MUC13: variants seen among roughly 807,000 people sequenced by gnomAD.
MUC13 encodes the protein mucin 13, cell surface associated.
MUC13 carries 32 observed loss-of-function variants against 48.3 expected under a neutral mutation model. The observed-to-expected ratio is 0.66, with a 90% CI of 0.50 to 0.89. The LOEUF (loss-of-function observed/expected upper bound fraction) is 0.89. MUC13 is among the 40% of genes least tolerant of loss of function. The probability of loss-of-function intolerance (pLI) is 0.00; values close to 1 mark genes in which losing one functional copy is unlikely to be tolerated. For synonymous variants in MUC13, 199 were observed against 224.9 expected (o/e 0.88, Z 1.03); for missense variants, 571 against 622.8 (o/e 0.92, Z 0.88).
intron 5 of MUC13, among the ~76,000 whole-genome samples, chr3:124,919,111 G>C (rs994308319): frequency 2.0e-5 from 3 of 152,112 alleles, no homozygotes; most frequent in African/African-American, 7.2e-5. Context: ...GCCGAGGCGG[G>C]TGGATCACGA....
At chr3:124,915,369 G>A (rs773550433) in intron 6 of MUC13, among the ~76,000 whole-genome samples, 18 of 152,216 alleles carry the variant, frequency 1.2e-4, no homozygotes, top group Non-Finnish European at 1.5e-4. Context: ...GCAGAGACTT[G>A]AGAAATATTT....
intron 5 of MUC13, among the ~76,000 whole-genome samples, chr3:124,918,939 C>T (rs1368703475): frequency 6.6e-6 from 1 of 152,138 alleles, no homozygotes; most frequent in Admixed American, 6.5e-5. Context: ...CCAGACTTGC[C>T]CTTCATTCAA....
chr3:124,934,537 G>A lies in MUC13; in HGVS notation c.52+124C>T, dbSNP rs929986127. 8.7e-6 allele frequency: 6 copies of A among 688,628 alleles called. No homozygotes were observed. In the African/African-American group the frequency reaches 8.8e-5, roughly 10 times the overall value. 42.7% of individuals were successfully genotyped at this position (688,628 alleles called of 1,614,324 possible). ...TGTGTCTTTGAGCTGAGCTGGAGAG[G>A]AAACTTCATTTATAAAATAGACCAT... On this transcript the variant is annotated intron_variant, in intron 1 of 11. Coordinates refer to ENST00000616727, the MANE Select transcript of MUC13 (RefSeq NM_033049.4).
At position 124,922,247 on chromosome 3, in the gene MUC13, C is replaced by A; in HGVS notation, c.694G>T (p.Glu232Ter). 6.2e-7 allele frequency: 1 copy of A among 1,614,152 alleles called. No homozygotes were observed. The change falls in exon 4 of 12, where the codon GAG (glutamate) becomes TAG (stop). Residue 232 changes from glutamate to a stop codon, truncating the protein, a stop_gained. Coordinates refer to ENST00000616727, the MANE Select transcript of MUC13 (RefSeq NM_033049.4). LOFTEE classifies it high-confidence loss of function. Reference protein sequence around the residue: ...VTVSETFDPEEKHSMAYQDLH... With the variant: ...VTVSETFDPE ...TCTTGATAGGCCATGGAATGTTTCTCTTCTGGGTCAAATGTTTCTGATACT... is the reference window on the plus strand; with the variant it reads ...TCTTGATAGGCCATGGAATGTTTCTATTCTGGGTCAAATGTTTCTGATACT...
chr3:124,910,365 C>G lies in MUC13; in HGVS notation c.1337+50G>C, dbSNP rs781365164. On this transcript the variant is annotated intron_variant, in intron 10 of 11. Transcript: ENST00000616727. ...CATGGGCAACATAGTGAGACCCCCC[C>G]ATCTCTCTATAAAAAAAAAAAATTT... 3 of 1,588,868 alleles carry G rather than the reference C, an allele frequency of 1.9e-6. No individual in the cohort carries two copies. The South Asian group carries it at 3.5e-5, about 18-fold the overall frequency.
At chr3:124,923,953 T>A (rs1560000169) in intron 2 of MUC13, among the ~76,000 whole-genome samples, 1 of 152,196 alleles carries the variant, frequency 6.6e-6, no homozygotes, top group Admixed American at 6.5e-5. Flanking sequence ...GAGTCAGGAA[T>A]CTTCAGATCT....
chr3:124,925,347 G>T (rs1475293288), intron 2 of MUC13, among the ~76,000 whole-genome samples: 1 of 152,136 alleles, frequency 6.6e-6, no homozygotes, highest in Non-Finnish European at 1.5e-5. Flanking sequence ...GATATTTAGG[G>T]TTGTGATCCT....
At chr3:124,913,347 AATG>A (rs1935457834) in intron 7 of MUC13, 107 bp from the exon 8 acceptor site, 18 of 1,504,804 alleles carry the variant, frequency 1.2e-5, no homozygotes, top group Non-Finnish European at 1.5e-5. Context: ...TTCTAGGTAA[AATG>A]AGATGCTTAT....
chr3:124,924,945 T>A (rs1239446745), intron 2 of MUC13, among the ~76,000 whole-genome samples: 1 of 152,178 alleles, frequency 6.6e-6, no homozygotes, highest in Non-Finnish European at 1.5e-5. Context: ...ATAAACATAC[T>A]CTTACGAGAA....
chr3:124,931,198 TGA>T, intron 1 of MUC13, among the ~76,000 whole-genome samples: 1 of 144,626 alleles, frequency 6.9e-6, no homozygotes, highest in Non-Finnish European at 1.5e-5. Flanking sequence ...TTCGGGAGGC[TGA>T]GGTGGGTGGA....
At chr3:124,907,103 G>A (rs1424711431) in intron 11 of MUC13, among the ~76,000 whole-genome samples, 2 of 152,208 alleles carry the variant, frequency 1.3e-5, no homozygotes, top group Non-Finnish European at 2.9e-5. Context: ...GTCCTTGAAA[G>A]TTCTCCCTAG....
chr3:124,911,440 C>T (rs1163688866), intron 9 of MUC13, among the ~76,000 whole-genome samples: 1 of 152,162 alleles, frequency 6.6e-6, no homozygotes, highest in Non-Finnish European at 1.5e-5. Context: ...GCAAATTATT[C>T]CTTGCAATAA....
chr3:124,908,260 T>G lies in MUC13; in HGVS notation c.1426A>C (p.Asn476His). ...AAGACGCTCCCTTCTGCTCCAAGATTGGTGAAGCCTGTCGACCGCAGTTTT... is the reference window on the plus strand; with the variant it reads ...AAGACGCTCCCTTCTGCTCCAAGATGGGTGAAGCCTGTCGACCGCAGTTTT... ...NLKLRSTGFT[N>H]LGAEGSVFPK... The change falls in exon 11 of 12, where the codon AAT (asparagine) becomes CAT (histidine). Residue 476 changes from asparagine (N) to histidine (H), a missense_variant. Physicochemically the swap from Asn to His is moderately conservative, Grantham distance 68. Coordinates refer to ENST00000616727, the MANE Select transcript of MUC13 (RefSeq NM_033049.4). 6.2e-7 allele frequency: 1 copy of G among 1,614,184 alleles called. No homozygotes were observed. Among genetic ancestry groups the G allele is most frequent in the Non-Finnish European group, 8.5e-7 (1 of 1,180,030 alleles).
At chr3:124,933,367 A>G (rs2107675305) in intron 1 of MUC13, among the ~76,000 whole-genome samples, 1 of 152,344 alleles carries the variant, frequency 6.6e-6, no homozygotes, top group African/African-American at 2.4e-5. Flanking sequence ...AAAAACTCTT[A>G]GAGGTCAACA....
intron 11 of MUC13, among the ~76,000 whole-genome samples, chr3:124,907,665 G>C (rs1122104): frequency 1.3e-5 from 2 of 151,408 alleles, no homozygotes; most frequent in African/African-American, 4.9e-5. Context: ...TATAGAGAGA[G>C]AGAGAGAGAG....
intron 6 of MUC13, among the ~76,000 whole-genome samples, 196 bp downstream of exon 6, chr3:124,916,121 A>T (rs183008683): frequency 6.6e-6 from 1 of 152,334 alleles, no homozygotes; most frequent in African/African-American, 2.4e-5. Flanking sequence ...CAGTTTGATG[A>T]CTTGGGACAT....
Position 124,929,880 on chromosome 3 carries a change from G to A in MUC13, c.53-1887C>T, listed in dbSNP as rs142943776. ...ATTTAATGAAAAAGCCAAGACCCCC[G>A]AGGAACAAACACAAGAAAAGCAAAT... On this transcript the variant is annotated intron_variant, in intron 1 of 11. Coordinates refer to ENST00000616727, the MANE Select transcript of MUC13 (RefSeq NM_033049.4). Among the ~76,000 whole-genome samples, 572 of 152,312 alleles carry A rather than the reference G, an allele frequency of 3.8e-3. 1 individual carries two copies. Among genetic ancestry groups the A allele is most frequent in the Non-Finnish European group, 5.6e-3 (380 of 68,024 alleles).
At chr3:124,928,083 T>TTC (rs1935728889) in intron 1 of MUC13, 90 bp from the exon 2 acceptor site, 2 of 197,424 alleles carry the variant, frequency 1.0e-5, no homozygotes, top group Non-Finnish European at 1.4e-5. Flanking sequence ...CAACTCATTC[T>TTC]TTTTTTTTTT....
intron 2 of MUC13, among the ~76,000 whole-genome samples, chr3:124,926,070 A>T (rs1302519742): frequency 6.6e-6 from 1 of 152,222 alleles, no homozygotes; most frequent in African/African-American, 2.4e-5. Flanking sequence ...GAAAAGCCTC[A>T]GCCACCTTGC....
Sources: gnomAD v4.1 joint callset for allele counts (sites outside exome capture counted in the v4.1 genomes callset) on GRCh38, gnomAD v4.1.1 for gene constraint, MANE v1.5 for transcripts, NCBI Gene and HGNC (gene_info 2026-07-23, HGNC 2026-07-21) for gene names.